Variants in USP20 observed in about 807,000 individuals in gnomAD.
USP20 encodes ubiquitin specific peptidase 20, also known as ubiquitin carboxyl-terminal hydrolase 20.
Under a neutral mutation model 124.2 loss-of-function variants are expected in USP20, and 80 were observed. The observed-to-expected ratio is 0.64, with a 90% CI of 0.54 to 0.78. The LOEUF (loss-of-function observed/expected upper bound fraction) is 0.78. Among genes scored for constraint, USP20 ranks in the 30% least tolerant of loss-of-function variants. The pLI is 0.00. For missense variants in USP20, 1,043 were observed against 1,244.4 expected (o/e 0.84, Z 2.44); for synonymous variants, 481 against 512.3 (o/e 0.94, Z 0.83).
chr9:129,857,359 CATG>C (rs908275538), intron 4 of USP20, among the ~76,000 whole-genome samples: 4 of 152,210 alleles, frequency 2.6e-5, no homozygotes, highest in African/African-American at 9.6e-5. Context: ...GAGTCAGCCA[CATG>C]ATATGATTCC....
chr9:129,877,104 G>A (rs1232096344), intron 22 of USP20, among the ~76,000 whole-genome samples: 3 of 152,192 alleles, frequency 2.0e-5, no homozygotes, highest in South Asian at 2.1e-4. Context: ...GAGTGCAGGC[G>A]AGGCTCCTGG....
At chr9:129,877,010 A>C (rs1234725135) in intron 22 of USP20, among the ~76,000 whole-genome samples, 1 of 152,156 alleles carries the variant, frequency 6.6e-6, no homozygotes, top group Non-Finnish European at 1.5e-5. Context: ...AGACTGCCCA[A>C]GATAAAGCAG....
chr9:129,858,222 C>T, intron 5 of USP20, 110 bp downstream of exon 5: 3 of 1,252,956 alleles, frequency 2.4e-6, no homozygotes, highest in Non-Finnish European at 3.4e-6. Context: ...TAAATGGTGT[C>T]ATCCTAGCAT....
intron 1 of USP20, chr9:129,835,822 C>T (rs3758337): frequency 0.18 from 26,769 of 152,384 alleles, 2,817 homozygotes; most frequent in South Asian, 0.24. Flanking sequence ...CGTCTCGCGT[C>T]TCGGGCGCTG....
chr9:129,875,487 GC>G lies in USP20; in HGVS notation c.2218+13del, dbSNP rs1247003166. 10 of 1,611,856 alleles carry G rather than the reference GC, an allele frequency of 6.2e-6. No individual in the cohort carries two copies. Among genetic ancestry groups the G allele is most frequent in the African/African-American group, 1.3e-5 (1 of 74,894 alleles). On this transcript the variant is annotated intron_variant, in intron 20 of 25. Coordinates refer to ENST00000372429, the MANE Select transcript of USP20 (RefSeq NM_001110303.4). ...TCCTCTGCTCCCACGGAGGTGAGGC[GC>G]CCCCTGTGGTGGGAGAGCAGGGTGG...
chr9:129,857,717 T>C (rs984542224), intron 4 of USP20, among the ~76,000 whole-genome samples: 1 of 152,106 alleles, frequency 6.6e-6, no homozygotes, highest in African/African-American at 2.4e-5. Flanking sequence ...CCACTTCACA[T>C]GGGGTTTTTG....
At chr9:129,877,510 G>A (rs1025527266) in intron 22 of USP20, among the ~76,000 whole-genome samples, 4 of 151,916 alleles carry the variant, frequency 2.6e-5, no homozygotes, top group Non-Finnish European at 4.4e-5. Context: ...GCAATAGAGT[G>A]AGACCCTGTC....
chr9:129,856,061 T>C (rs2033198434), intron 3 of USP20, among the ~76,000 whole-genome samples: 1 of 152,234 alleles, frequency 6.6e-6, no homozygotes, highest in South Asian at 2.1e-4. Flanking sequence ...AATCATAAAA[T>C]GTTGATTTGA....
Position 129,871,337 on chromosome 9 carries a change from G to A in USP20, c.1660+790G>A, listed in dbSNP as rs1001124434. On this transcript the variant is annotated intron_variant, in intron 15 of 25. Coordinates refer to ENST00000372429, the MANE Select transcript of USP20 (RefSeq NM_001110303.4). ...TTAGGGTTCATCCACGTTGCAGCGT[G>A]TGTGTCGGAATGCCCTGCCTTTTGT... 0.016 allele frequency among the ~76,000 whole-genome samples: 22 copies of A among 1,344 alleles called. No individual in the cohort carries two copies. In the South Asian group the frequency reaches 0.5, roughly 31 times the overall value. The allele number at this position is 1,344 out of a possible 152,430, so 0.9% of individuals were successfully genotyped here.
chr9:129,857,906 TC>T, intron 4 of USP20, 143 bp from the exon 5 acceptor site: 1 of 728,934 alleles, frequency 1.4e-6, no homozygotes, highest in Non-Finnish European at 2.4e-6. Context: ...AGACCCGTGT[TC>T]CTTTGAGATG....
Position 129,868,968 on chromosome 9 carries a change from C to T in USP20, c.1242C>T (p.Pro414=), listed in dbSNP as rs763873769. Residue 414 remains proline (P), a synonymous_variant, in exon 12 of 26, where the codon CCC becomes CCT. Transcript: ENST00000372429. ...CTAGCAGCCCCCCTCGTGCAAGCCC[C>T]GTGAGGATGGCACCGTCGTACGTGC... is the stretch of plus-strand genomic sequence containing the variant. ...KLSSSPPRAS[P]VRMAPSYVLK... is the part of the protein sequence containing the mutation. 29 of 1,612,364 alleles carry T rather than the reference C, an allele frequency of 1.8e-5. No homozygotes were observed. The highest frequency in any genetic ancestry group is 1.6e-4 in the Middle Eastern group (1 of 6,068).
chr9:129,842,363 C>T (rs1295127919), intron 1 of USP20, among the ~76,000 whole-genome samples: 1 of 152,058 alleles, frequency 6.6e-6, no homozygotes, highest in African/African-American at 2.4e-5. Flanking sequence ...TATCACCTCC[C>T]TAGTGTCTGC....
At chr9:129,869,450 G>A (rs972418685) in intron 13 of USP20, 25 bp downstream of exon 13, 1 of 1,606,452 alleles carries the variant, frequency 6.2e-7, no homozygotes, top group African/African-American at 1.3e-5. Context: ...GATGGGGGGA[G>A]CTGGGCCAGG....
At chr9:129,847,299 CTTTTTTTTT>C (rs35098457) in intron 1 of USP20, among the ~76,000 whole-genome samples, 3 of 130,868 alleles carry the variant, frequency 2.3e-5, no homozygotes, top group Non-Finnish European at 4.9e-5. Flanking sequence ...ACAGCCAACA[CTTTTTTTTT>C]TTTTTTTTTT....
At chr9:129,871,103 A>G (rs960494390) in intron 15 of USP20, among the ~76,000 whole-genome samples, 48 of 152,310 alleles carry the variant, frequency 3.2e-4, no homozygotes, top group African/African-American at 1.1e-3. Context: ...ATGGTCACGC[A>G]GCCATCCTCC....
chr9:129,856,111 A>G (rs985462938), intron 3 of USP20, among the ~76,000 whole-genome samples, 196 bp from the exon 4 acceptor site: 7 of 152,250 alleles, frequency 4.6e-5, no homozygotes, highest in Admixed American at 2.0e-4. Flanking sequence ...CAAACAGTAA[A>G]GTATAAAGTG....
intron 1 of USP20, among the ~76,000 whole-genome samples, chr9:129,843,831 A>G (rs561376931): frequency 6.6e-6 from 1 of 152,298 alleles, no homozygotes; most frequent in African/African-American, 2.4e-5. Flanking sequence ...TGGGAGTCCA[A>G]GGCAGGCAGA....
chr9:129,853,525 T>G (rs1046245326), intron 3 of USP20, among the ~76,000 whole-genome samples: 2 of 152,202 alleles, frequency 1.3e-5, no homozygotes, highest in Non-Finnish European at 2.9e-5. Context: ...GCAGGCATGT[T>G]CCCAGGAGTG....
Position 129,869,777 on chromosome 9 carries a change from C to G in USP20, c.1498C>G (p.Pro500Ala). ...SAIYQNVPAK[P>A]GACGDSYAAQ... is the part of the protein sequence containing the mutation. The stretch of plus-strand genomic sequence containing the variant: ...CATCTACCAGAATGTGCCGGCCAAG[C>G]CAGGCGCCTGTGGGGACAGCTATGC... Residue 500 changes from proline (P) to alanine (A), a missense_variant, in exon 14 of 26, where the codon CCA (proline) becomes GCA (alanine). Coordinates refer to ENST00000372429, the MANE Select transcript of USP20 (RefSeq NM_001110303.4). The G allele has an allele frequency of 6.2e-7, 1 of 1,614,052 alleles. No individual in the cohort carries two copies. The highest frequency in any genetic ancestry group is 8.5e-7 in the Non-Finnish European group (1 of 1,180,034).
Sources: allele counts gnomAD v4.1 joint callset (sites outside exome capture counted in the v4.1 genomes callset), GRCh38; gene constraint gnomAD v4.1.1; transcripts MANE v1.5; gene names NCBI Gene and HGNC (gene_info 2026-07-23, HGNC 2026-07-21).